The following MEIKIN variants were observed in gnomAD, a reference collection of about 807,000 sequenced individuals.
MEIKIN encodes the protein meiotic kinetochore factor, also known as meiosis-specific kinetochore protein.
chr5:131,818,884 A>G (rs1749421696), intron 11 of MEIKIN, 21 bp from the exon 12 acceptor site: 1 of 396,752 alleles, frequency 2.5e-6, no homozygotes, highest in Non-Finnish European at 4.4e-6. Context: ...AAAAAAGCAG[A>G]TATTGCATAA....
At chr5:131,873,993 C>T (rs918811392) in intron 9 of MEIKIN, among the ~76,000 whole-genome samples, 16 of 152,154 alleles carry the variant, frequency 1.1e-4, no homozygotes, top group African/African-American at 3.9e-4. Flanking sequence ...ATATTCAAAG[C>T]AGTGTGTAGA....
chr5:131,837,969 C>G (rs904177188), intron 11 of MEIKIN, among the ~76,000 whole-genome samples: 1 of 151,972 alleles, frequency 6.6e-6, no homozygotes, highest in African/African-American at 2.4e-5. Context: ...TCTGTTTTTG[C>G]CTATTCATTA....
chr5:131,837,388 G>GTTC (rs1440788166), intron 11 of MEIKIN, among the ~76,000 whole-genome samples: 1 of 152,110 alleles, frequency 6.6e-6, no homozygotes, highest in Non-Finnish European at 1.5e-5. Flanking sequence ...TTCTAGTTCT[G>GTTC]TGAAGAATAC....
intron 8 of MEIKIN, among the ~76,000 whole-genome samples, chr5:131,887,702 T>C (rs1056295562): frequency 2.6e-5 from 4 of 152,074 alleles, no homozygotes; most frequent in Non-Finnish European, 5.9e-5. Flanking sequence ...TAAATTTGTT[T>C]TTTTTTTATT....
At chr5:131,875,225 G>GA (rs1468260653) in intron 9 of MEIKIN, among the ~76,000 whole-genome samples, 1 of 152,204 alleles carries the variant, frequency 6.6e-6, no homozygotes, top group African/African-American at 2.4e-5. Context: ...CAGATGACAT[G>GA]ATTGTGTATC....
chr5:131,943,486 A>G (rs1751908312), intron 3 of MEIKIN, among the ~76,000 whole-genome samples: 1 of 152,156 alleles, frequency 6.6e-6, no homozygotes, highest in African/African-American at 2.4e-5. Context: ...AACAATCTCA[A>G]TTTCCCAACC....
chr5:131,818,421 T>G (rs891096457), intron 12 of MEIKIN, among the ~76,000 whole-genome samples: 8 of 152,168 alleles, frequency 5.3e-5, no homozygotes, highest in Admixed American at 3.9e-4. Flanking sequence ...CTGACCAGAC[T>G]TTATTTTTTT....
At chr5:131,881,818 A>C (rs990770208) in intron 8 of MEIKIN, among the ~76,000 whole-genome samples, 5 of 152,060 alleles carry the variant, frequency 3.3e-5, no homozygotes, top group African/African-American at 4.8e-5. Flanking sequence ...TCCAAAGACT[A>C]CCACTGTTTC....
intron 9 of MEIKIN, among the ~76,000 whole-genome samples, chr5:131,862,887 C>T (rs774079168): frequency 3.6e-4 from 54 of 152,012 alleles, no homozygotes; most frequent in Middle Eastern, 3.2e-3. Context: ...TAGGAGACAA[C>T]GGGGTTTCAA....
At chr5:131,937,138 T>C (rs1235952178) in intron 4 of MEIKIN, among the ~76,000 whole-genome samples, 3 of 152,204 alleles carry the variant, frequency 2.0e-5, no homozygotes, top group Non-Finnish European at 4.4e-5. Context: ...GAGACTCTGA[T>C]TCCTAGATCC....
intron 11 of MEIKIN, among the ~76,000 whole-genome samples, chr5:131,826,092 T>C (rs539053006): frequency 7.4e-5 from 11 of 149,462 alleles, no homozygotes; most frequent in South Asian, 4.2e-4. Flanking sequence ...TTTTCTTTTT[T>C]TTTTTTTTTT....
rs560435331 is a variant in MEIKIN, at chr5:131,892,103, G to T, written c.704-13055C>A. 6.1e-3 allele frequency among the ~76,000 whole-genome samples: 926 copies of T among 151,430 alleles called. 15 individuals carry two copies. Among genetic ancestry groups the T allele is most frequent in the African/African-American group, 0.022 (878 of 40,792 alleles). On this transcript the variant is annotated intron_variant, in intron 8 of 12. Transcript: ENST00000442687. ...GAGATCAGCTGTTAGTCTCATGGGCGTCCCTTTGTGGGTAACCCAACCTTT... is the reference window on the plus strand; with the variant it reads ...GAGATCAGCTGTTAGTCTCATGGGCTTCCCTTTGTGGGTAACCCAACCTTT...
chr5:131,877,675 C>G lies in MEIKIN; in HGVS notation c.774+1303G>C, dbSNP rs190004278. Among the ~76,000 whole-genome samples, 290 of 152,086 alleles carry G rather than the reference C, an allele frequency of 1.9e-3. 3 individuals carry two copies. The highest frequency in any genetic ancestry group is 1.0e-4 in the Non-Finnish European group (7 of 67,974). On this transcript the variant is annotated intron_variant, in intron 9 of 12. Coordinates refer to ENST00000442687, the MANE Select transcript of MEIKIN (RefSeq NM_001303622.2). ...AACAAAAGAAAACAAAAAAAGACCC[C>G]GATGCCATGCCTAACGTAATGATTC...
chr5:131,852,372 C>G (rs1750129819), intron 10 of MEIKIN, among the ~76,000 whole-genome samples: 2 of 152,142 alleles, frequency 1.3e-5, no homozygotes, highest in African/African-American at 4.8e-5. Flanking sequence ...TTCCTGAGGC[C>G]TCCCCAGCCA....
At chr5:131,878,566 CA>C (rs914953139) in intron 9 of MEIKIN, among the ~76,000 whole-genome samples, 7 of 144,752 alleles carry the variant, frequency 4.8e-5, no homozygotes, top group East Asian at 2.0e-4. Flanking sequence ...AACTCTGTCT[CA>C]AAAAAAAAAG....
chr5:131,895,223 T>A (rs1372688347), intron 8 of MEIKIN, among the ~76,000 whole-genome samples: 1 of 152,222 alleles, frequency 6.6e-6, no homozygotes, highest in Non-Finnish European at 1.5e-5. Flanking sequence ...CAGCCTTGCA[T>A]TTCAGGGATG....
intron 11 of MEIKIN, among the ~76,000 whole-genome samples, chr5:131,843,457 A>C (rs1045171704): frequency 6.6e-6 from 1 of 152,252 alleles, no homozygotes; most frequent in Non-Finnish European, 1.5e-5. Context: ...CTTTGTGAAC[A>C]ACACATATAA....
chr5:131,885,357 G>A (rs1254525523), intron 8 of MEIKIN, among the ~76,000 whole-genome samples: 1 of 13,152 alleles, frequency 7.6e-5, no homozygotes, highest in African/African-American at 2.9e-4. Flanking sequence ...GAGAGAGAGA[G>A]AGAGAGAGAG....
At chr5:131,810,686 C>A (rs1772936757) in intron 12 of MEIKIN, among the ~76,000 whole-genome samples, 1 of 152,178 alleles carries the variant, frequency 6.6e-6, no homozygotes, top group Admixed American at 6.5e-5. Flanking sequence ...AAGGACCATG[C>A]ATTGAGAAAG....
Sources: gnomAD v4.1 joint callset for allele counts (sites outside exome capture counted in the v4.1 genomes callset) on GRCh38, gnomAD v4.1.1 for gene constraint, MANE v1.5 for transcripts, NCBI Gene and HGNC (gene_info 2026-07-23, HGNC 2026-07-21) for gene names.